The following PPP1R42 variants were observed in gnomAD, a reference collection of about 807,000 sequenced individuals.
PPP1R42 encodes leucine rich repeat containing 67.
Under a neutral mutation model 31.0 loss-of-function variants are expected in PPP1R42, and 34 were observed. The observed-to-expected ratio is 1.10, with a 90% confidence interval of 0.83 to 1.46. The LOEUF (loss-of-function observed/expected upper bound fraction) is 1.46, where lower values mean the gene tolerates loss of function less well. PPP1R42 is among the 40% of genes most tolerant of loss of function. The pLI is 0.00. For synonymous variants in PPP1R42, 103 were observed against 109.8 expected (o/e 0.94, Z 0.39); for missense variants, 268 against 303.0 (o/e 0.88, Z 0.86).
chr8:67,011,296 C>T (rs1316234698), intron 4 of PPP1R42, among the ~76,000 whole-genome samples: 4 of 152,094 alleles, frequency 2.6e-5, no homozygotes, highest in Non-Finnish European at 4.4e-5. Flanking sequence ...GGAGGTGAAG[C>T]GGGCGGATCA....
chr8:67,004,998 A>T (rs2129536701), intron 5 of PPP1R42, among the ~76,000 whole-genome samples: 1 of 152,272 alleles, frequency 6.6e-6, no homozygotes, highest in Non-Finnish European at 1.5e-5. Flanking sequence ...CAGCGTTTTA[A>T]AGCCATGTAG....
intron 6 of PPP1R42, chr8:66,985,860 G>T: frequency 1.7e-6 from 2 of 1,186,502 alleles, no homozygotes; most frequent in Non-Finnish European, 2.4e-6. Context: ...ATCACCTCTG[G>T]CTCTTCTTCC....
chr8:66,993,805 A>G (rs889109225), intron 5 of PPP1R42, among the ~76,000 whole-genome samples: 2 of 152,116 alleles, frequency 1.3e-5, no homozygotes, highest in African/African-American at 4.8e-5. Context: ...AAGTACTGCC[A>G]CATAGTAGGT....
At chr8:67,008,048 G>A (rs1360515811) in intron 5 of PPP1R42, among the ~76,000 whole-genome samples, 1 of 151,566 alleles carries the variant, frequency 6.6e-6, no homozygotes, top group African/African-American at 2.4e-5. Flanking sequence ...CACCATGCAC[G>A]GCTAATTTTT....
chr8:66,973,981 A>G (rs1814603861), intron 7 of PPP1R42, among the ~76,000 whole-genome samples: 1 of 152,138 alleles, frequency 6.6e-6, no homozygotes, highest in Non-Finnish European at 1.5e-5. Flanking sequence ...TTATCCATTC[A>G]TCTGTCCAAT....
chr8:66,980,679 T>C (rs964142420), intron 7 of PPP1R42, among the ~76,000 whole-genome samples: 4 of 152,162 alleles, frequency 2.6e-5, no homozygotes, highest in Non-Finnish European at 5.9e-5. Flanking sequence ...CTCACTACAG[T>C]GTCCCCATTT....
In PPP1R42 at chr8:67,010,736, G is replaced by A; in HGVS notation, c.531C>T (p.Asp177=). 1.2e-6 allele frequency: 2 copies of A among 1,602,554 alleles called. No individual in the cohort carries two copies. Among genetic ancestry groups the A allele is most frequent in the Non-Finnish European group, 1.7e-6 (2 of 1,174,480 alleles). Residue 177 remains aspartate, a synonymous_variant, in exon 5 of 8, where the codon GAC becomes GAT. Coordinates refer to ENST00000685739, the MANE Select transcript of PPP1R42 (RefSeq NM_001364910.1). ...CTACCTTCACATGCAGAAGTTGGTT[G>A]TCAACGGCTATGAGCTGATTAAGAT... is the stretch of plus-strand genomic sequence containing the variant. ...LENLNQLIAV[D]NQLLHVKDLE...
At chr8:66,986,040 A>G (rs929147278) in intron 6 of PPP1R42, 16 of 747,300 alleles carry the variant, frequency 2.1e-5, no homozygotes, top group Non-Finnish European at 3.3e-5. Flanking sequence ...TTTGTCCACA[A>G]ATCGGGGAGT....
At chr8:67,004,100 A>T (rs1815598182) in intron 5 of PPP1R42, among the ~76,000 whole-genome samples, 1 of 152,144 alleles carries the variant, frequency 6.6e-6, no homozygotes, top group African/African-American at 2.4e-5. Flanking sequence ...AAAAAAAAAA[A>T]AAAAGAGGTA....
chr8:66,995,322 T>C (rs1330772853), intron 5 of PPP1R42, among the ~76,000 whole-genome samples: 2 of 152,220 alleles, frequency 1.3e-5, no homozygotes, highest in Non-Finnish European at 2.9e-5. Context: ...GGGCAATGTC[T>C]ATATTCAGAA....
At chr8:66,997,847 T>C (rs982547718) in intron 5 of PPP1R42, among the ~76,000 whole-genome samples, 2 of 152,166 alleles carry the variant, frequency 1.3e-5, no homozygotes, top group African/African-American at 4.8e-5. Context: ...TTACCATGCC[T>C]GTGATGGTTT....
rs149456475 is a variant in PPP1R42 at position 66,991,589 on chromosome 8, G to C, written c.553-3072C>G. Among the ~76,000 whole-genome samples, 180 of 152,250 alleles carry C rather than the reference G, an allele frequency of 1.2e-3. 2 individuals carry two copies. In the South Asian group the frequency reaches 0.017, roughly 14 times the overall value. ...GTCATCCGTCCACCAAGTTTTCTCA[G>C]TTATCTGCCTTTGATTTCACACTTT... On this transcript the variant is annotated intron_variant, in intron 5 of 7. Coordinates refer to ENST00000685739, the MANE Select transcript of PPP1R42 (RefSeq NM_001364910.1).
intron 4 of PPP1R42, among the ~76,000 whole-genome samples, chr8:67,011,089 C>A (rs1243349972): frequency 1.3e-5 from 2 of 149,498 alleles, no homozygotes; most frequent in Admixed American, 1.3e-4. Flanking sequence ...TTCCAAGATA[C>A]AAAATAAACT....
chr8:67,001,819 C>T (rs1454902771), intron 5 of PPP1R42, among the ~76,000 whole-genome samples: 1 of 152,134 alleles, frequency 6.6e-6, no homozygotes, highest in Non-Finnish European at 1.5e-5. Flanking sequence ...CATTTTATTG[C>T]ATGTGTGGTT....
chr8:67,004,089 CA>C (rs773648040), intron 5 of PPP1R42, among the ~76,000 whole-genome samples: 1,489 of 102,456 alleles, frequency 0.015, 8 homozygotes, highest in Non-Finnish European at 0.019. Flanking sequence ...GACTCCGTCT[CA>C]AAAAAAAAAA....
chr8:67,010,794 A>G lies in PPP1R42; in HGVS notation c.473T>C (p.Ile158Thr), dbSNP rs371753465. Residue 158 changes from isoleucine to threonine, a missense_variant, in exon 5 of 8, where the codon ATT becomes ACT. Ile to Thr is a moderately conservative substitution (Grantham distance 89). Coordinates refer to ENST00000685739, the MANE Select transcript of PPP1R42 (RefSeq NM_001364910.1). ...LCILNISNNN[I>T]DDITDLELLE... Reference sequence around the variant, plus strand: ...TAGTTCTAAGTCTGTAATGTCATCAATATTATTATTGCTGATATTCAATAT... The same window carrying G: ...TAGTTCTAAGTCTGTAATGTCATCAGTATTATTATTGCTGATATTCAATAT... 56 of 1,604,470 alleles carry G rather than the reference A, an allele frequency of 3.5e-5. No individual in the cohort carries two copies. The highest frequency in any genetic ancestry group is 1.4e-4 in the Admixed American group (8 of 58,710).
chr8:66,986,499 C>T (rs1229599516), intron 6 of PPP1R42, among the ~76,000 whole-genome samples: 2 of 152,178 alleles, frequency 1.3e-5, no homozygotes, highest in Non-Finnish European at 2.9e-5. Context: ...GCAGCTGCCA[C>T]GCCGCTGTCT....
At chr8:67,020,807 G>A (rs555191285) in intron 1 of PPP1R42, among the ~76,000 whole-genome samples, 10 of 152,120 alleles carry the variant, frequency 6.6e-5, no homozygotes, top group Non-Finnish European at 1.0e-4. Context: ...GAAACATGCC[G>A]GGGGGCGGTG....
intron 4 of PPP1R42, among the ~76,000 whole-genome samples, chr8:67,011,275 T>G (rs1167768664): frequency 6.6e-6 from 1 of 152,174 alleles, no homozygotes; most frequent in African/African-American, 2.4e-5. Flanking sequence ...GCCTGTAATC[T>G]CAGCACTTTA....
Sources: allele counts gnomAD v4.1 joint callset (sites outside exome capture counted in the v4.1 genomes callset), GRCh38; gene constraint gnomAD v4.1.1; transcripts MANE v1.5; gene names NCBI Gene and HGNC (gene_info 2026-07-23, HGNC 2026-07-21).